Variants in MIA2 observed in about 807,000 individuals in gnomAD.
MIA2 encodes the protein melanoma inhibitory activity protein 2.
A neutral mutation model predicts 167.8 loss-of-function variants in MIA2; 127 were observed. The observed-to-expected ratio is 0.76, with a 90% CI of 0.66 to 0.88. The LOEUF (loss-of-function observed/expected upper bound fraction) is 0.88. Among genes scored for constraint, MIA2 ranks in the 40% least tolerant of loss-of-function variants. MIA2 has a pLI of 0.00. For synonymous variants in MIA2, 552 were observed against 541.9 expected (o/e 1.02, Z -0.26); for missense variants, 1,690 against 1,624.7 (o/e 1.04, Z -0.69).
chr14:39,308,318 A>C, intron 17 of MIA2, 131 bp from the exon 18 acceptor site: 1 of 580,990 alleles, frequency 1.7e-6, no homozygotes, highest in Non-Finnish European at 2.7e-6. Flanking sequence ...AATCCCTTAT[A>C]GATTTTCTGT....
rs1325209119 is a variant in MIA2, at chr14:39,247,063, T to A, written c.489T>A (p.Pro163=). 1.2e-6 allele frequency: 2 copies of A among 1,606,876 alleles called. No individual in the cohort carries two copies. Among genetic ancestry groups the A allele is most frequent in the Admixed American group, 3.4e-5 (2 of 58,002 alleles). Residue 163 remains proline, a synonymous_variant, in exon 4 of 29, where the codon CCT becomes CCA. Coordinates refer to ENST00000640607, the MANE Select transcript of MIA2 (RefSeq NM_001329214.4). The part of the protein sequence containing the change: ...SIYESDFQIE[P]GFYATYESTL... ...ATGAAAGTGATTTTCAGATAGAACC[T>A]GGATTTTATGCAACTTATGAAAGTA...
At chr14:39,299,091 A>G (rs1411053462) in intron 13 of MIA2, among the ~76,000 whole-genome samples, 1 of 149,658 alleles carries the variant, frequency 6.7e-6, no homozygotes, top group Non-Finnish European at 1.5e-5. Context: ...AAAAAAAAAA[A>G]AAAAAAGAAA....
chr14:39,237,792 T>C (rs1190887523), intron 2 of MIA2, among the ~76,000 whole-genome samples: 2 of 152,186 alleles, frequency 1.3e-5, no homozygotes, highest in Non-Finnish European at 2.9e-5. Context: ...CAGGCTGGAG[T>C]GCAGTGGCGC....
At chr14:39,251,701 C>T (rs558106042) in intron 4 of MIA2, among the ~76,000 whole-genome samples, 12 of 152,236 alleles carry the variant, frequency 7.9e-5, no homozygotes, top group African/African-American at 1.2e-4. Flanking sequence ...TTATCATCCA[C>T]AGGTGCTATT....
At chr14:39,321,799 T>A (rs1163841736) in intron 24 of MIA2, among the ~76,000 whole-genome samples, 1 of 148,104 alleles carries the variant, frequency 6.8e-6, no homozygotes, top group Non-Finnish European at 1.5e-5. Flanking sequence ...TCACTCTTGT[T>A]GCTCAGGCTG....
intron 4 of MIA2, among the ~76,000 whole-genome samples, chr14:39,251,425 T>C (rs979235041): frequency 2.0e-5 from 3 of 151,262 alleles, no homozygotes; most frequent in Non-Finnish European, 4.4e-5. Context: ...AAAGCTTAGG[T>C]TTAAATGTGT....
chr14:39,293,208 T>C, intron 10 of MIA2, 63 bp from the exon 11 acceptor site: 1 of 1,087,900 alleles, frequency 9.2e-7, no homozygotes, highest in Non-Finnish European at 1.4e-6. Context: ...TTTATTATGC[T>C]CGTCTGATTT....
At chr14:39,286,481 G>A (rs1321151029) in intron 9 of MIA2, among the ~76,000 whole-genome samples, 2 of 152,026 alleles carry the variant, frequency 1.3e-5, no homozygotes, top group South Asian at 2.1e-4. Flanking sequence ...TCTAGATTTC[G>A]TTTTTGGCTA....
intron 9 of MIA2, among the ~76,000 whole-genome samples, chr14:39,287,452 A>T (rs2059980800): frequency 6.6e-6 from 1 of 152,076 alleles, no homozygotes; most frequent in South Asian, 2.1e-4. Context: ...AAAAGGTTTC[A>T]GTTTCTCCCC....
intron 24 of MIA2, among the ~76,000 whole-genome samples, chr14:39,322,734 A>G (rs539468703): frequency 2.0e-5 from 3 of 152,160 alleles, no homozygotes; most frequent in South Asian, 2.1e-4. Context: ...ATCTCTCACC[A>G]TACTTTCTTT....
chr14:39,267,035 G>T (rs1457953011), intron 6 of MIA2: 2 of 1,021,432 alleles, frequency 2.0e-6, no homozygotes, highest in Non-Finnish European at 2.4e-6. Context: ...GGGTGGCTTC[G>T]CCAGGTAGAG....
chr14:39,378,088 A>T (rs1270438605), intron 23 of MIA2, among the ~76,000 whole-genome samples: 1 of 152,252 alleles, frequency 6.6e-6, no homozygotes, highest in African/African-American at 2.4e-5. Context: ...ATTTTCATAA[A>T]TTAAGAATTC....
intron 23 of MIA2, among the ~76,000 whole-genome samples, chr14:39,384,041 A>G (rs1232542970): frequency 6.6e-6 from 1 of 152,228 alleles, no homozygotes; most frequent in East Asian, 1.9e-4. Context: ...GCAGATTTTC[A>G]GTGTAGACAA....
intron 25 of MIA2, among the ~76,000 whole-genome samples, chr14:39,328,904 T>G (rs1202187085): frequency 6.6e-6 from 1 of 152,102 alleles, no homozygotes; most frequent in Non-Finnish European, 1.5e-5. Context: ...TGGTGTGATG[T>G]CTCCAGCTTT....
At chr14:39,267,959 G>T (rs1294775740) in intron 6 of MIA2, among the ~76,000 whole-genome samples, 2 of 148,954 alleles carry the variant, frequency 1.3e-5, no homozygotes, top group East Asian at 4.0e-4. Flanking sequence ...GTTGGGCGGG[G>T]AGTTGAAATT....
intron 25 of MIA2, among the ~76,000 whole-genome samples, chr14:39,343,719 C>T (rs1420611425): frequency 6.6e-6 from 1 of 152,096 alleles, no homozygotes; most frequent in South Asian, 2.1e-4. Flanking sequence ...CATGTCCTTA[C>T]TTTCTGTAGT....
intron 9 of MIA2, among the ~76,000 whole-genome samples, chr14:39,286,664 T>G (rs1463920008): frequency 6.6e-6 from 1 of 151,612 alleles, no homozygotes; most frequent in Admixed American, 6.6e-5. Context: ...GGATATCTTT[T>G]CTTTCCTTAT....
intron 8 of MIA2, 35 bp downstream of exon 8, chr14:39,279,393 G>A (rs1236664928): frequency 1.2e-6 from 2 of 1,606,354 alleles, no homozygotes; most frequent in South Asian, 1.1e-5. Context: ...TCTCATTGTT[G>A]TGTTGTAAAA....
intron 6 of MIA2, among the ~76,000 whole-genome samples, chr14:39,275,067 T>A (rs1360979749): frequency 2.4e-5 from 3 of 126,802 alleles, no homozygotes; most frequent in African/African-American, 8.7e-5. Context: ...AGAGTGAGAC[T>A]CCGTCTCAAA....
Sources: gnomAD v4.1 joint callset for allele counts (sites outside exome capture counted in the v4.1 genomes callset) on GRCh38, gnomAD v4.1.1 for gene constraint, MANE v1.5 for transcripts, NCBI Gene and HGNC (gene_info 2026-07-23, HGNC 2026-07-21) for gene names.